The following RALGAPB variants were observed in gnomAD, a reference collection of about 807,000 sequenced individuals.
RALGAPB encodes the protein Ral GTPase activating protein non-catalytic subunit beta, also known as ral GTPase-activating protein subunit beta.
Under a neutral mutation model 161.1 loss-of-function variants are expected in RALGAPB, and 25 were observed. The observed-to-expected ratio is 0.16, with a 90% CI of 0.11 to 0.22. RALGAPB has a LOEUF of 0.22. Ranked by LOEUF, RALGAPB falls within the 10% of genes least tolerant of loss-of-function variation. RALGAPB has a pLI of 1.00. For synonymous variants in RALGAPB, 629 were observed against 626.1 expected (o/e 1.00, Z -0.07); for missense variants, 1,391 against 1,815.2 (o/e 0.77, Z 4.25).
intron 20 of RALGAPB, among the ~76,000 whole-genome samples, 163 bp downstream of exon 20, chr20:38,548,958 T>C (rs1415641712): frequency 6.6e-6 from 1 of 152,234 alleles, no homozygotes; most frequent in East Asian, 1.9e-4. Flanking sequence ...GAATTCCAGA[T>C]GTACTCAATT....
intron 2 of RALGAPB, among the ~76,000 whole-genome samples, chr20:38,490,245 G>A (rs1276858691): frequency 2.0e-5 from 3 of 151,972 alleles, no homozygotes; most frequent in Non-Finnish European, 2.9e-5. Context: ...GTCTCGCTCT[G>A]TTGCCCAGGC....
chr20:38,563,086 T>G (rs962454729), intron 24 of RALGAPB, among the ~76,000 whole-genome samples: 1 of 152,148 alleles, frequency 6.6e-6, no homozygotes, highest in Non-Finnish European at 1.5e-5. Context: ...CAGAGGTATA[T>G]AGAGGAAAAG....
chr20:38,496,383 G>C (rs1340583916), intron 3 of RALGAPB, among the ~76,000 whole-genome samples: 1 of 152,152 alleles, frequency 6.6e-6, no homozygotes, highest in Non-Finnish European at 1.5e-5. Flanking sequence ...GTCTGATTCA[G>C]GTATGTTTCT....
At chr20:38,522,169 A>G (rs1336890171) in intron 10 of RALGAPB, among the ~76,000 whole-genome samples, 2 of 152,250 alleles carry the variant, frequency 1.3e-5, no homozygotes, top group South Asian at 2.1e-4. Flanking sequence ...GAAGCAGCGC[A>G]CATTTATTTA....
At chr20:38,503,676 T>C (rs1005355505) in intron 5 of RALGAPB, among the ~76,000 whole-genome samples, 6 of 152,216 alleles carry the variant, frequency 3.9e-5, no homozygotes, top group African/African-American at 1.4e-4. Flanking sequence ...ATTGGTAAAG[T>C]AATGGCAGAG....
At chr20:38,565,233 G>T in intron 24 of RALGAPB, 126 bp from the exon 25 acceptor site, 16 of 1,017,536 alleles carry the variant, frequency 1.6e-5, no homozygotes, top group Admixed American at 7.4e-5. Context: ...CATACTAATT[G>T]GTTCTTGTTG....
At chr20:38,522,633 C>A (rs2123123627) in intron 10 of RALGAPB, among the ~76,000 whole-genome samples, 1 of 152,264 alleles carries the variant, frequency 6.6e-6, no homozygotes, top group East Asian at 1.9e-4. Flanking sequence ...TTGCTAGGTT[C>A]TCAGGAGATA....
chr20:38,491,884 G>A (rs1297050430), intron 2 of RALGAPB, among the ~76,000 whole-genome samples: 1 of 152,166 alleles, frequency 6.6e-6, no homozygotes, highest in African/African-American at 2.4e-5. Flanking sequence ...AGCAGGCTGG[G>A]TCTTGGTGAT....
chr20:38,557,839 A>G (rs2087641483), intron 22 of RALGAPB, among the ~76,000 whole-genome samples: 1 of 152,266 alleles, frequency 6.6e-6, no homozygotes. Flanking sequence ...AAGCTGCTAT[A>G]AACATTTGTG....
intron 24 of RALGAPB, among the ~76,000 whole-genome samples, chr20:38,563,848 C>T (rs117203810): frequency 0.017 from 2,615 of 152,250 alleles, 32 homozygotes; most frequent in Non-Finnish European, 0.027. Flanking sequence ...TAGCTTTGCT[C>T]TCCATATTTT....
intron 16 of RALGAPB, 39 bp from the exon 17 acceptor site, chr20:38,539,737 C>T: frequency 6.3e-7 from 1 of 1,594,674 alleles, no homozygotes; most frequent in Non-Finnish European, 8.6e-7. Context: ...ACAGTAATTC[C>T]TGGCTGATTG....
chr20:38,498,604 A>G (rs1175245992), intron 4 of RALGAPB, among the ~76,000 whole-genome samples: 1 of 152,248 alleles, frequency 6.6e-6, no homozygotes, highest in Non-Finnish European at 1.5e-5. Context: ...AGCATGAGGC[A>G]GACAATTCAT....
chr20:38,560,919 A>G (rs1181944754), intron 23 of RALGAPB, among the ~76,000 whole-genome samples: 1 of 152,254 alleles, frequency 6.6e-6, no homozygotes, highest in Non-Finnish European at 1.5e-5. Context: ...TAAAAGTTTT[A>G]CTTCTAGATA....
Position 38,574,150 on chromosome 20 carries a change from A to C in RALGAPB, c.4143A>C (p.Arg1381Ser). The C allele has an allele frequency of 1.2e-6, 2 of 1,605,484 alleles. No homozygotes were observed. The highest frequency in any genetic ancestry group is 1.7e-6 in the Non-Finnish European group (2 of 1,177,016). The change falls in exon 29 of 30, where the codon AGA becomes AGC. Residue 1381 changes from arginine to serine, a missense_variant and splice_region_variant. Arg to Ser is a moderately radical substitution (Grantham distance 110). Transcript: ENST00000262879. ...ETTANSSTSL[R>S]STTLEKEVPV... ...GAGATAACAATTTTCTTTTCTTAAG[A>C]TCTACAACTCTTGAAAAAGAAGTTC...
rs1188053197 is a variant in RALGAPB, at chr20:38,492,821, T to C, written c.187-109T>C. On this transcript the variant is annotated intron_variant, in intron 2 of 29. Coordinates refer to ENST00000262879, the MANE Select transcript of RALGAPB (RefSeq NM_020336.4). ...AATCTGATATTTACGTTGAGACGAA[T>C]ATACTGTCAATTTAGAGGTTTTTGG... The C allele has an allele frequency of 9.6e-6, 8 of 837,432 alleles. No homozygotes were observed. In the Admixed American group the frequency reaches 1.1e-4, roughly 12 times the overall value. The allele number at this position is 837,432 out of a possible 1,614,324, so 51.9% of individuals were successfully genotyped here.
At chr20:38,492,639 T>C (rs1193986522) in intron 2 of RALGAPB, among the ~76,000 whole-genome samples, 1 of 152,230 alleles carries the variant, frequency 6.6e-6, no homozygotes, top group African/African-American at 2.4e-5. Flanking sequence ...AAATGACCTG[T>C]ATTTACTTTT....
rs201607329 is a variant in RALGAPB at position 38,499,659 on chromosome 20, T to G, written c.740+26T>G. 4.0e-4 allele frequency: 634 copies of G among 1,587,912 alleles called. 3 individuals are homozygous for G. Among genetic ancestry groups the G allele is most frequent in the Non-Finnish European group, 5.2e-4 (610 of 1,167,182 alleles). On this transcript the variant is annotated intron_variant, in intron 5 of 29. Coordinates refer to ENST00000262879, the MANE Select transcript of RALGAPB (RefSeq NM_020336.4). ...GTAGGTTATTGTCATTGCCCTGCCT[T>G]CCTTCACCTGTCTGACCTTAGGCAG...
At chr20:38,549,524 C>A (rs2087287923) in intron 20 of RALGAPB, among the ~76,000 whole-genome samples, 1 of 146,620 alleles carries the variant, frequency 6.8e-6, no homozygotes, top group Non-Finnish European at 1.5e-5. Flanking sequence ...CTGTCACACC[C>A]AGCCTAATTA....
rs370244476 is a variant in RALGAPB, at chr20:38,499,438, G to C, written c.554-9G>C. On this transcript the variant is annotated splice_polypyrimidine_tract_variant and intron_variant, in intron 4 of 29. Coordinates refer to ENST00000262879, the MANE Select transcript of RALGAPB (RefSeq NM_020336.4). Reference sequence around the variant, plus strand: ...TTTGCCAAAGATGTGTTTTCTTTTTGTTGGTAAGGTGGCATTGCTGAGAAT... The same window carrying C: ...TTTGCCAAAGATGTGTTTTCTTTTTCTTGGTAAGGTGGCATTGCTGAGAAT... 3 of 1,564,418 alleles carry C rather than the reference G, an allele frequency of 1.9e-6. No homozygotes were observed. Among genetic ancestry groups the C allele is most frequent in the Non-Finnish European group, 1.7e-6 (2 of 1,153,914 alleles).
Sources: allele counts gnomAD v4.1 joint callset (sites outside exome capture counted in the v4.1 genomes callset), GRCh38; gene constraint gnomAD v4.1.1; transcripts MANE v1.5; gene names NCBI Gene and HGNC (gene_info 2026-07-23, HGNC 2026-07-21).